The following MROH1 variants were observed in gnomAD, a reference collection of about 807,000 sequenced individuals.
MROH1 encodes the protein maestro heat like repeat family member 1.
Under a neutral mutation model 116.5 loss-of-function variants are expected in MROH1, and 117 were observed. That is an observed-to-expected ratio of 1.00 (90% CI 0.86 to 1.17). The LOEUF is 1.17. Ranked by LOEUF, MROH1 falls within the 50% of genes most tolerant of loss-of-function variation. The pLI is 0.00. For missense variants in MROH1, 1,873 were observed against 1,338.5 expected (o/e 1.40, Z -6.23); for synonymous variants, 921 against 583.9 (o/e 1.58, Z -8.32).
chr8:144,239,500 C>T, intron 17 of MROH1, 114 bp from the exon 18 acceptor site: 1 of 762,774 alleles, frequency 1.3e-6, no homozygotes, highest in Non-Finnish European at 2.4e-6. Context: ...CGTGGGCGGC[C>T]CAGCTTTGGG....
In MROH1 at chr8:144,244,437, C is replaced by T. The variant is rs1038196340; in HGVS notation, c.2671-7C>T. ...GGTGGGGCTGGACGGCCTGGCTCTC[C>T]TTCCAGTCCCTGTATCTGGAGACAC... On this transcript the variant is annotated splice_region_variant and splice_polypyrimidine_tract_variant and intron_variant, in intron 27 of 43. Transcript: ENST00000326134. 2.1e-5 allele frequency: 16 copies of T among 753,038 alleles called. No homozygotes were observed. Among genetic ancestry groups the T allele is most frequent in the Admixed American group, 7.2e-5 (4 of 55,312 alleles). The allele number at this position is 753,038 out of a possible 1,614,324, so 46.6% of individuals were successfully genotyped here.
chr8:144,182,175 T>C lies in MROH1; in HGVS notation c.562+1652T>C, dbSNP rs1438450870. Among the ~76,000 whole-genome samples, 3 of 152,058 alleles carry C rather than the reference T, an allele frequency of 2.0e-5. No individual in the cohort carries two copies. Among genetic ancestry groups the C allele is most frequent in the South Asian group, 2.1e-4 (1 of 4,830 alleles). On this transcript the variant is annotated intron_variant, in intron 7 of 43. Transcript: ENST00000326134. The surrounding 1 kb of genome is among the most constrained non-coding windows in gnomAD (Gnocchi z 4.1). Reference sequence around the variant, plus strand: ...GGGTGAGGCCTAGTGGTGGGGGCGGTGGCAGGCCTGCGTCCACTGCGGGAG... The same window carrying C: ...GGGTGAGGCCTAGTGGTGGGGGCGGCGGCAGGCCTGCGTCCACTGCGGGAG...
intron 4 of MROH1, among the ~76,000 whole-genome samples, chr8:144,173,317 A>AG (rs1207128276): frequency 6.6e-6 from 1 of 151,742 alleles, no homozygotes; most frequent in Admixed American, 6.6e-5. Context: ...CATGTTGGCC[A>AG]GGTTGGTCAT....
At chr8:144,215,622 AG>A (rs1379993979) in intron 12 of MROH1, among the ~76,000 whole-genome samples, 2 of 152,232 alleles carry the variant, frequency 1.3e-5, no homozygotes, top group Non-Finnish European at 2.9e-5. Context: ...CTGTAATCCC[AG>A]CACTTTGGGA....
rs1392068596 is a variant in MROH1, at chr8:144,173,376, G to T, written c.168+4936G>T. ...ACCTGCCTTGGCTTCCCAAAGTGCT[G>T]GTGATGTAGGATTCTTCTTTTTTAT... On this transcript the variant is annotated intron_variant, in intron 4 of 43. Transcript: ENST00000326134. Among the ~76,000 whole-genome samples, 4 of 151,334 alleles carry T rather than the reference G, an allele frequency of 2.6e-5. No homozygotes were observed. In the East Asian group the frequency reaches 7.7e-4, roughly 29 times the overall value.
chr8:144,232,013 G>A (rs532571031), intron 14 of MROH1, among the ~76,000 whole-genome samples: 2 of 152,184 alleles, frequency 1.3e-5, no homozygotes, highest in Non-Finnish European at 1.5e-5. Context: ...TTGCATGTTG[G>A]TTCTTTCTTT....
intron 33 of MROH1, among the ~76,000 whole-genome samples, chr8:144,253,811 G>A (rs1843233348): frequency 6.6e-6 from 1 of 152,016 alleles, no homozygotes; most frequent in Non-Finnish European, 1.5e-5. Flanking sequence ...GTTTGCTCAG[G>A]TGTGTGACAG....
intron 12 of MROH1, among the ~76,000 whole-genome samples, chr8:144,215,500 A>G (rs1270539179): frequency 6.6e-6 from 1 of 152,212 alleles, no homozygotes; most frequent in Non-Finnish European, 1.5e-5. Context: ...TTTAAAAAGC[A>G]TCTGGCAGAA....
intron 1 of MROH1, among the ~76,000 whole-genome samples, chr8:144,151,171 C>G (rs922645890): frequency 1.5e-4 from 22 of 143,086 alleles, no homozygotes; most frequent in Non-Finnish European, 3.0e-4. Flanking sequence ...TCGCTTGAAC[C>G]TGGGAGGCGG....
At chr8:144,258,990 T>C in intron 36 of MROH1, 76 bp downstream of exon 36, 1 of 658,146 alleles carries the variant, frequency 1.5e-6, no homozygotes, top group East Asian at 2.7e-5. Context: ...CATGACAGGA[T>C]CAGGCGGGGG....
intron 10 of MROH1, among the ~76,000 whole-genome samples, chr8:144,197,208 T>C (rs917828231): frequency 3.9e-5 from 6 of 152,134 alleles, no homozygotes; most frequent in African/African-American, 7.2e-5. Flanking sequence ...CACCCATTCA[T>C]GCGGTCTGCC....
rs1462780141 is a variant in MROH1, at chr8:144,261,768, G to A, written c.*28G>A. The A allele has an allele frequency of 2.7e-5, 19 of 703,334 alleles. No homozygotes were observed. Among genetic ancestry groups the A allele is most frequent in the Non-Finnish European group, 4.4e-5 (17 of 385,692 alleles). The allele number at this position is 703,334 out of a possible 1,614,324, so 43.6% of individuals were successfully genotyped here. Reference sequence around the variant, plus strand: ...CTCCGGCCAGCACCCCCAGCGAGGAGTATGCACCCAGACCTGTGCCTGAGC... The same window carrying A: ...CTCCGGCCAGCACCCCCAGCGAGGAATATGCACCCAGACCTGTGCCTGAGC... On this transcript the variant is annotated 3_prime_UTR_variant, in exon 44 of 44. Coordinates refer to ENST00000326134, the MANE Select transcript of MROH1 (RefSeq NM_032450.3).
At position 144,254,921 on chromosome 8, in the gene MROH1, C is replaced by T. The variant is rs1261389676; in HGVS notation, c.3537C>T (p.Ser1179=). Residue 1179 remains serine, a synonymous_variant, in exon 34 of 44, where the codon AGC becomes AGT. Transcript: ENST00000326134. ...GTAGGGACGTCCCTTTCAAGGAGAG[C>T]CGGGCCTTCCTGCTGGGCCGCACCC... ...KMSRDVPFKE[S]RAFLLGRTPD... is the part of the protein sequence containing the mutation. The T allele has an allele frequency of 1.4e-5, 11 of 776,806 alleles. No individual in the cohort carries two copies. The African/African-American group carries it at 1.5e-4, about 11-fold the overall frequency. The allele number at this position is 776,806 out of a possible 1,614,324, so 48.1% of individuals were successfully genotyped here.
At chr8:144,222,495 C>CGCAGGT (rs778037007) in intron 13 of MROH1, among the ~76,000 whole-genome samples, 2 of 152,084 alleles carry the variant, frequency 1.3e-5, no homozygotes, top group African/African-American at 4.8e-5. Context: ...CAGACACAGG[C>CGCAGGT]GCAGGTGCAG....
intron 4 of MROH1, among the ~76,000 whole-genome samples, chr8:144,171,885 G>T (rs971434574): frequency 1.3e-5 from 2 of 152,166 alleles, no homozygotes; most frequent in Admixed American, 6.5e-5. Context: ...ACCCGGGAGC[G>T]ACGTGGAAAA....
At chr8:144,226,776 A>C (rs1405564154) in intron 14 of MROH1, among the ~76,000 whole-genome samples, 1 of 152,212 alleles carries the variant, frequency 6.6e-6, no homozygotes, top group Non-Finnish European at 1.5e-5. Context: ...TTCTGGAGTC[A>C]GGTAATGTGA....
rs6995987 is a variant in MROH1, at chr8:144,249,137, G to A, written c.3273+108G>A. The A allele has an allele frequency of 0.01, 7,122 of 685,964 alleles. 326 individuals carry two copies. The African/African-American group carries it at 0.11, about 11-fold the overall frequency. 42.5% of individuals were successfully genotyped at this position (685,964 alleles called of 1,614,324 possible). ...GTGGCTCTTGGAGAGGTGGCACTGC[G>A]GGAGAAAACAGTGAGGCTGGCCCTG... On this transcript the variant is annotated intron_variant, in intron 32 of 43. Transcript: ENST00000326134.
Position 144,213,061 on chromosome 8 carries a change from C to A in MROH1, c.1142-7539C>A, listed in dbSNP as rs1834506037. The A allele has an allele frequency of 3.8e-6, 3 of 779,460 alleles. No individual in the cohort carries two copies. In the East Asian group the frequency reaches 7.3e-5, roughly 19 times the overall value. The allele number at this position is 779,460 out of a possible 1,614,324, so 48.3% of individuals were successfully genotyped here. On this transcript the variant is annotated intron_variant, in intron 12 of 43. Coordinates refer to ENST00000326134, the MANE Select transcript of MROH1 (RefSeq NM_032450.3). ...TCACACGACTGAAACATGAGGACTG[C>A]CCTGCACGTGCTGCTCCGCAGCCTG...
chr8:144,163,764 A>G lies in MROH1; in HGVS notation c.-56-7A>G, dbSNP rs1325093089. On this transcript the variant is annotated splice_region_variant and splice_polypyrimidine_tract_variant and intron_variant, in intron 2 of 43. Coordinates refer to ENST00000326134, the MANE Select transcript of MROH1 (RefSeq NM_032450.3). This position sits in a 1 kb window ranked among gnomAD's most constrained non-coding sequence, Gnocchi z 4.4. The stretch of plus-strand genomic sequence containing the variant: ...TGAATTAAATCTTGTGATTTTGGTT[A>G]TTCCAGATGGGAGAAGAAGTTGTCC... 1 of 1,586,994 alleles carries G rather than the reference A, an allele frequency of 6.3e-7. No homozygotes were observed. Among genetic ancestry groups the G allele is most frequent in the Non-Finnish European group, 8.6e-7 (1 of 1,159,144 alleles).
Sources: gnomAD v4.1 joint callset for allele counts (sites outside exome capture counted in the v4.1 genomes callset) on GRCh38, gnomAD v4.1.1 for gene constraint, Gnocchi (gnomAD v3.1) non-coding constraint, MANE v1.5 for transcripts, NCBI Gene and HGNC (gene_info 2026-07-23, HGNC 2026-07-21) for gene names.